Variants in PHYKPL observed in about 807,000 individuals in gnomAD.
The protein encoded by PHYKPL is 5-phosphonooxy-L-lysine phospho-lyase.
In PHYKPL, 42 loss-of-function variants were observed where a neutral mutation model predicts 51.3. The observed-to-expected ratio is 0.82, with a 90% confidence interval of 0.64 to 1.06. The LOEUF (loss-of-function observed/expected upper bound fraction) is 1.06, where lower values mean the gene tolerates loss of function less well. Ranked by LOEUF, PHYKPL falls within the 50% of genes least tolerant of loss-of-function variation. The pLI is 0.00. For missense variants in PHYKPL, 655 were observed against 586.6 expected (o/e 1.12, Z -1.20); for synonymous variants, 264 against 236.0 (o/e 1.12, Z -1.09).
chr5:178,230,346 TC>T (rs1763133025), intron 2 of PHYKPL: 1 of 494,888 alleles, frequency 2.0e-6, no homozygotes, highest in African/African-American at 2.0e-5. Context: ...AAAGCCCATG[TC>T]TTTAAGGAGG....
chr5:178,225,572 A>G (rs759092522), intron 3 of PHYKPL, 143 bp from the exon 4 acceptor site: 21 of 733,166 alleles, frequency 2.9e-5, no homozygotes, highest in African/African-American at 1.4e-4. Context: ...TGTTTGGTAT[A>G]TATCAAATGC....
In PHYKPL at chr5:178,224,700, A is replaced by C; in HGVS notation, c.443T>G (p.Ile148Ser). The C allele has an allele frequency of 6.2e-7, 1 of 1,614,164 alleles. No individual in the cohort carries two copies. The highest frequency in any genetic ancestry group is 8.5e-7 in the Non-Finnish European group (1 of 1,180,018). ...GCGGAACTTGTAGGGACTGATGTCAATCAGGGAGCTCAGGTGGCCGTGATA... is the reference window on the plus strand; with the variant it reads ...GCGGAACTTGTAGGGACTGATGTCACTCAGGGAGCTCAGGTGGCCGTGATA... ...HAYHGHLSSL[I>S]DISPYKFRNL... Residue 148 changes from isoleucine (I) to serine (S), a missense_variant, in exon 5 of 13, where the codon ATT becomes AGT. By Grantham distance (142) the Ile-to-Ser change is moderately radical. Transcript: ENST00000308158.
At chr5:178,223,439 A>C (rs1244626442) in intron 6 of PHYKPL, 3 of 456,136 alleles carry the variant, frequency 6.6e-6, no homozygotes, top group Non-Finnish European at 1.3e-5. Flanking sequence ...AACCCAGAGA[A>C]CTGAGCATGT....
At chr5:178,214,696 G>T in intron 10 of PHYKPL, 100 bp downstream of exon 10, 1 of 1,089,814 alleles carries the variant, frequency 9.2e-7, no homozygotes, top group Non-Finnish European at 1.4e-6. Flanking sequence ...GTGGCCCAGA[G>T]TGCTGGGGGT....
intron 12 of PHYKPL, chr5:178,210,059 C>A (rs527949228): frequency 1.9e-6 from 3 of 1,579,590 alleles, no homozygotes; most frequent in Admixed American, 1.9e-5. Flanking sequence ...CCCCAAAGGG[C>A]AGGATTTCCT....
In PHYKPL at chr5:178,211,898, C is replaced by CACTT. The variant is rs765949182; in HGVS notation, c.*19_*22dup. 25 of 1,613,114 alleles carry CACTT rather than the reference C, an allele frequency of 1.5e-5. No individual in the cohort carries two copies. The highest frequency in any genetic ancestry group is 5.1e-6 in the Non-Finnish European group (6 of 1,179,198). ...AAGCAAGGCCCACTCACCTGGAGTA[C>CACTT]ACTTAGGCAGAGCAGGGCTGGCTTA... On this transcript the variant is annotated 3_prime_UTR_variant, in exon 12 of 13. Coordinates refer to ENST00000308158, the MANE Select transcript of PHYKPL (RefSeq NM_153373.4).
At chr5:178,227,411 T>C (rs1762511862) in intron 3 of PHYKPL, among the ~76,000 whole-genome samples, 2 of 152,228 alleles carry the variant, frequency 1.3e-5, no homozygotes, top group East Asian at 1.9e-4. Context: ...TATTTTCTTA[T>C]GAGAGCCAGA....
In PHYKPL at chr5:178,220,449, C is replaced by T. The variant is rs540748742; in HGVS notation, c.927+1906G>A. Among the ~76,000 whole-genome samples, 5 of 151,410 alleles carry T rather than the reference C, an allele frequency of 3.3e-5. No individual in the cohort carries two copies. The South Asian group carries it at 8.4e-4, about 25-fold the overall frequency. The stretch of plus-strand genomic sequence containing the variant: ...GGCAGAGGTTGCAGTGAGCCGAGAT[C>T]GCGCCACAGCACTCCAGCCTGGGCA... On this transcript the variant is annotated intron_variant, in intron 8 of 12. Transcript: ENST00000308158.
At chr5:178,222,693 T>C in intron 7 of PHYKPL, 113 bp from the exon 8 acceptor site, 1 of 1,362,794 alleles carries the variant, frequency 7.3e-7, no homozygotes, top group Non-Finnish European at 1.0e-6. Flanking sequence ...GGTGGGGACC[T>C]TGGGCAATGG....
rs534996256 is a variant in PHYKPL, at chr5:178,232,139, G to C, written c.59+353C>G. 6.4e-4 allele frequency: 771 copies of C among 1,195,496 alleles called. 11 individuals carry two copies. The South Asian group carries it at 0.013, about 20-fold the overall frequency. The allele number at this position is 1,195,496 out of a possible 1,614,324, so 74.1% of individuals were successfully genotyped here. A position where few individuals can be genotyped will look rare whatever the true frequency, so the allele number is the denominator to read the frequency against. On this transcript the variant is annotated intron_variant, in intron 1 of 12. Transcript: ENST00000308158. ...CCAGGTGCTGCTGACGGGCCACCCT[G>C]GGTGAGGTCCTCTCAGGCGCCAGGG...
chr5:178,220,070 C>T (rs7705559), intron 8 of PHYKPL, among the ~76,000 whole-genome samples: 35,136 of 151,080 alleles, frequency 0.23, 4,848 homozygotes, highest in East Asian at 0.43. Flanking sequence ...TAGCATGCAC[C>T]GGTGGTCCCA....
intron 3 of PHYKPL, 34 bp downstream of exon 3, chr5:178,229,906 C>T (rs1763037649): frequency 6.2e-7 from 1 of 1,606,656 alleles, no homozygotes; most frequent in Non-Finnish European, 8.5e-7. Flanking sequence ...TACCGTCTCA[C>T]CCTCTTCCCG....
chr5:178,228,350 A>G lies in PHYKPL; in HGVS notation c.338+1590T>C, dbSNP rs997794506. The G allele has an allele frequency of 2.1e-5, 12 of 584,588 alleles. No homozygotes were observed. In the African/African-American group the frequency reaches 2.2e-4, roughly 11 times the overall value. 36.2% of individuals were successfully genotyped at this position (584,588 alleles called of 1,614,324 possible). A position where few individuals can be genotyped will look rare whatever the true frequency, so the allele number is the denominator to read the frequency against. On this transcript the variant is annotated intron_variant, in intron 3 of 12. Coordinates refer to ENST00000308158, the MANE Select transcript of PHYKPL (RefSeq NM_153373.4). ...AAGCAAGATGACAGACCACTTCCGG[A>G]GAGTGGTAACTGTCAATTACTGCTG...
intron 12 of PHYKPL, chr5:178,211,368 GGA>G (rs1758348123): frequency 1.3e-5 from 2 of 155,172 alleles, no homozygotes; most frequent in African/African-American, 4.8e-5. Flanking sequence ...AGGCCTATGG[GGA>G]GTGAGGATGG....
Position 178,221,779 on chromosome 5 carries a change from T to C in PHYKPL, c.927+576A>G, listed in dbSNP as rs183024929. Among the ~76,000 whole-genome samples, 4 of 152,232 alleles carry C rather than the reference T, an allele frequency of 2.6e-5. No homozygotes were observed. In the East Asian group the frequency reaches 5.8e-4, roughly 22 times the overall value. On this transcript the variant is annotated intron_variant, in intron 8 of 12. Coordinates refer to ENST00000308158, the MANE Select transcript of PHYKPL (RefSeq NM_153373.4). ...CCAGAGATCTTTCCAAAGAGTACTC[T>C]CTCCAGGATTAAAACCCTCCTGTGG...
chr5:178,218,838 AAAG>A (rs1231616722), intron 8 of PHYKPL, among the ~76,000 whole-genome samples: 12 of 152,238 alleles, frequency 7.9e-5, no homozygotes, highest in African/African-American at 2.2e-4. Context: ...TGTAAAAGAA[AAAG>A]AAGAAATATT....
At chr5:178,228,087 G>A (rs1489462148) in intron 3 of PHYKPL, 2 of 171,724 alleles carry the variant, frequency 1.2e-5, no homozygotes, top group Non-Finnish European at 2.5e-5. Context: ...TGTCACAGGG[G>A]CAGTTAGAAC....
At chr5:178,210,249 G>T (rs910726226) in intron 12 of PHYKPL, 1 of 1,613,864 alleles carries the variant, frequency 6.2e-7, no homozygotes, top group African/African-American at 1.3e-5. Flanking sequence ...GGCTATTACG[G>T]CTACGGCCCC....
rs1477386963 is a variant in PHYKPL at position 178,231,419 on chromosome 5, C to T, written c.164G>A (p.Ser55Asn). 6 of 1,614,098 alleles carry T rather than the reference C, an allele frequency of 3.7e-6. No homozygotes were observed. The highest frequency in any genetic ancestry group is 5.1e-6 in the Non-Finnish European group (6 of 1,180,034). The change falls in exon 2 of 13, where the codon AGC becomes AAC. Residue 55 changes from serine to asparagine, a missense_variant. Ser to Asn is a conservative substitution (Grantham distance 46). Coordinates refer to ENST00000308158, the MANE Select transcript of PHYKPL (RefSeq NM_153373.4). ...GTGATACTGACCGTGCGCCACATTG[C>T]TGATGCAATCGATGTATTCTGCCCC... ...EQGAEYIDCI[S>N]NVAHVGHCHP...
Sources: gnomAD v4.1 joint callset for allele counts (sites outside exome capture counted in the v4.1 genomes callset) on GRCh38, gnomAD v4.1.1 for gene constraint, MANE v1.5 for transcripts, NCBI Gene and HGNC (gene_info 2026-07-23, HGNC 2026-07-21) for gene names.